Variants in ST18 observed in about 807,000 individuals in gnomAD.
ST18 encodes ST18 C2H2C-type zinc finger transcription factor.
A neutral mutation model predicts 110.0 loss-of-function variants in ST18; 50 were observed. The ratio of observed to expected loss-of-function variants is 0.45; its 90% CI spans 0.36 to 0.58. The LOEUF (loss-of-function observed/expected upper bound fraction) is 0.58, where lower values mean the gene tolerates loss of function less well. ST18 is among the 20% of genes least tolerant of loss of function. ST18 has a pLI of 0.00. For synonymous variants in ST18, 461 were observed against 452.4 expected (o/e 1.02, Z -0.24); for missense variants, 1,306 against 1,280.1 (o/e 1.02, Z -0.31).
At chr8:52,245,894 A>C (rs780001343) in intron 2 of ST18, among the ~76,000 whole-genome samples, 22 of 152,260 alleles carry the variant, frequency 1.4e-4, no homozygotes, top group Middle Eastern at 3.4e-3. Context: ...ACATTTTTGC[A>C]GGTCATTGCA....
At chr8:52,324,990 A>C (rs1251254802) in intron 2 of ST18, among the ~76,000 whole-genome samples, 1 of 152,250 alleles carries the variant, frequency 6.6e-6, no homozygotes, top group Non-Finnish European at 1.5e-5. Flanking sequence ...ATGTTTTAGT[A>C]CTAGTCTATA....
intron 23 of ST18, among the ~76,000 whole-genome samples, chr8:52,120,753 A>G (rs2044396436): frequency 1.3e-5 from 2 of 152,154 alleles, no homozygotes; most frequent in South Asian, 2.1e-4. Context: ...TGGAGTTTTG[A>G]GTAGCGGATA....
At chr8:52,204,249 A>G (rs1232427760) in intron 8 of ST18, among the ~76,000 whole-genome samples, 2 of 152,234 alleles carry the variant, frequency 1.3e-5, no homozygotes, top group African/African-American at 4.8e-5. Context: ...AGAAAATACC[A>G]AAGAAACCCA....
intron 2 of ST18, among the ~76,000 whole-genome samples, chr8:52,373,420 G>A (rs951161430): frequency 6.6e-6 from 1 of 152,016 alleles, no homozygotes; most frequent in African/African-American, 2.4e-5. Flanking sequence ...ATTAATTTTT[G>A]GTAATGTCAG....
At chr8:52,141,267 T>C (rs2054930383) in intron 17 of ST18, among the ~76,000 whole-genome samples, 1 of 152,200 alleles carries the variant, frequency 6.6e-6, no homozygotes, top group South Asian at 2.1e-4. Context: ...GAACACCTAC[T>C]ATGTGCAAGG....
At chr8:52,208,775 G>A (rs1023807170) in intron 8 of ST18, among the ~76,000 whole-genome samples, 4 of 152,130 alleles carry the variant, frequency 2.6e-5, no homozygotes, top group Non-Finnish European at 4.4e-5. Flanking sequence ...CCCAGATCGC[G>A]CCACTGCACT....
chr8:52,193,582 G>A (rs1013318375), intron 8 of ST18, among the ~76,000 whole-genome samples: 5 of 149,976 alleles, frequency 3.3e-5, no homozygotes, highest in Non-Finnish European at 5.9e-5. Context: ...ACTGCTCCCT[G>A]GCAGGCTGTG....
intron 6 of ST18, among the ~76,000 whole-genome samples, chr8:52,215,388 A>T (rs1161289032): frequency 6.6e-6 from 1 of 152,234 alleles, no homozygotes; most frequent in East Asian, 1.9e-4. Flanking sequence ...TATTGAGACA[A>T]ACAACTCCAG....
At chr8:52,126,673 T>C (rs1022877607) in intron 22 of ST18, among the ~76,000 whole-genome samples, 1 of 152,256 alleles carries the variant, frequency 6.6e-6, no homozygotes, top group South Asian at 2.1e-4. Context: ...GTTATGGGAA[T>C]GTTTTTAATT....
At chr8:52,311,211 TTCC>T (rs2095900953) in intron 2 of ST18, among the ~76,000 whole-genome samples, 1 of 152,214 alleles carries the variant, frequency 6.6e-6, no homozygotes, top group East Asian at 1.9e-4. Flanking sequence ...CAACTGGACA[TTCC>T]TGCGGGGCTC....
intron 8 of ST18, among the ~76,000 whole-genome samples, chr8:52,191,504 G>A (rs1205524361): frequency 6.6e-6 from 1 of 152,194 alleles, no homozygotes; most frequent in Non-Finnish European, 1.5e-5. Flanking sequence ...GCCCAGACCT[G>A]TGACATCCAC....
At chr8:52,361,602 G>A (rs1212219292) in intron 2 of ST18, among the ~76,000 whole-genome samples, 1 of 151,980 alleles carries the variant, frequency 6.6e-6, no homozygotes, top group Non-Finnish European at 1.5e-5. Context: ...TTCATAAAGT[G>A]GCATGAATTA....
At chr8:52,312,442 T>G (rs768442801) in intron 2 of ST18, among the ~76,000 whole-genome samples, 10 of 152,156 alleles carry the variant, frequency 6.6e-5, no homozygotes, top group African/African-American at 2.4e-4. Context: ...CAATCTCACA[T>G]GGAGAAGAGA....
intron 17 of ST18, among the ~76,000 whole-genome samples, chr8:52,140,586 T>C (rs1586781509): frequency 6.6e-6 from 1 of 150,626 alleles, no homozygotes; most frequent in African/African-American, 2.5e-5. Context: ...GATAGATAGA[T>C]AGATAGATAA....
At chr8:52,231,371 C>G (rs2091299549) in intron 2 of ST18, among the ~76,000 whole-genome samples, 1 of 152,186 alleles carries the variant, frequency 6.6e-6, no homozygotes, top group Admixed American at 6.5e-5. Flanking sequence ...TCCTAGCTTC[C>G]AGAATGCCTC....
intron 2 of ST18, among the ~76,000 whole-genome samples, chr8:52,277,544 A>G (rs1036986876): frequency 1.3e-5 from 2 of 152,330 alleles, no homozygotes; most frequent in South Asian, 2.1e-4. Context: ...CATTTTATCT[A>G]TGTTTGTGGT....
At chr8:52,123,586 C>T (rs184661863) in intron 23 of ST18, among the ~76,000 whole-genome samples, 122 of 152,310 alleles carry the variant, frequency 8.0e-4, no homozygotes, top group African/African-American at 2.6e-3. Flanking sequence ...GATTGTAAAA[C>T]GTGTACTTTT....
intron 8 of ST18, among the ~76,000 whole-genome samples, chr8:52,207,875 A>G (rs1016767608): frequency 6.6e-6 from 1 of 152,228 alleles, no homozygotes; most frequent in Non-Finnish European, 1.5e-5. Context: ...ACAATTACCA[A>G]TATTAGTAGA....
chr8:52,327,926 T>C (rs1225575026), intron 2 of ST18, among the ~76,000 whole-genome samples: 1 of 152,212 alleles, frequency 6.6e-6, no homozygotes, highest in African/African-American at 2.4e-5. Flanking sequence ...GATCATTAAT[T>C]CATGTTCAGA....
Sources: allele counts gnomAD v4.1 joint callset (sites outside exome capture counted in the v4.1 genomes callset), GRCh38; gene constraint gnomAD v4.1.1; transcripts MANE v1.5; gene names NCBI Gene and HGNC (gene_info 2026-07-23, HGNC 2026-07-21).